The following REV3L variants were observed in gnomAD, a reference collection of about 807,000 sequenced individuals.
REV3L encodes the protein DNA polymerase zeta catalytic subunit.
Under a neutral mutation model 299.4 loss-of-function variants are expected in REV3L, and 69 were observed. That is an observed-to-expected ratio of 0.23 (90% CI 0.19 to 0.28). The LOEUF is 0.28. REV3L is among the 10% of genes least tolerant of loss of function. The pLI, the probability that REV3L is intolerant of heterozygous loss-of-function variation, is 1.00. For missense variants in REV3L, 3,128 were observed against 3,693.8 expected (o/e 0.85, Z 3.97); for synonymous variants, 1,238 against 1,271.4 (o/e 0.97, Z 0.56).
chr6:111,313,173 A>G (rs971890628), intron 28 of REV3L, 179 bp downstream of exon 28: 1 of 515,774 alleles, frequency 1.9e-6, no homozygotes, highest in Non-Finnish European at 3.1e-6. Flanking sequence ...AAACAAACAA[A>G]AACAAAATAA....
chr6:111,379,619 ACT>A (rs1174141820), intron 11 of REV3L, among the ~76,000 whole-genome samples: 5 of 152,094 alleles, frequency 3.3e-5, no homozygotes, highest in African/African-American at 1.2e-4. Context: ...CTTCAGGCTG[ACT>A]CTATACATTG....
In REV3L at chr6:111,365,280, C is replaced by T. The variant is rs1779080679; in HGVS notation, c.6738G>A (p.Leu2246=). ...GSNTDTLRRV[L]LTQAKNQFAA... ...GTATAGTTACCTTTGCTTGTGTTAA[C>T]AGTACTCTTCTAAGAGTGTCAGTAT... is the stretch of plus-strand genomic sequence containing the variant. Residue 2246 remains leucine, a synonymous_variant, in exon 15 of 32, where the codon CTG becomes CTA. Coordinates refer to ENST00000368802, the MANE Select transcript of REV3L (RefSeq NM_001372078.1). 6.5e-7 allele frequency: 1 copy of T among 1,544,374 alleles called. No individual in the cohort carries two copies.
chr6:111,459,266 T>C (rs958138694), intron 1 of REV3L, among the ~76,000 whole-genome samples: 2 of 152,108 alleles, frequency 1.3e-5, no homozygotes, highest in Non-Finnish European at 2.9e-5. Flanking sequence ...CCTATCACCA[T>C]ATACAAAAAT....
At chr6:111,455,951 C>T (rs17510436) in intron 1 of REV3L, among the ~76,000 whole-genome samples, 4,315 of 152,196 alleles carry the variant, frequency 0.028, 74 homozygotes, top group South Asian at 0.077. Context: ...AGCATCATAT[C>T]GAAACCTCGT....
chr6:111,452,052 A>G (rs753404261), intron 1 of REV3L, among the ~76,000 whole-genome samples: 1 of 152,084 alleles, frequency 6.6e-6, no homozygotes, highest in Non-Finnish European at 1.5e-5. Flanking sequence ...TGTAAAAAAG[A>G]TTTGGATACT....
upstream of REV3L, chr6:111,483,507 G>A: frequency 1.9e-6 from 1 of 532,954 alleles, no homozygotes. Context: ...TCATGGATGG[G>A]CTCCGAGGGG....
Position 111,483,166 on chromosome 6 carries a change from A to C in REV3L, c.-278T>G. ...CACTGCCGCCACCGCCGGGAATCAC[A>C]CGGGCTCCTCGGTCCCAGGCTGCAG... On this transcript the variant is annotated 5_prime_UTR_variant, in exon 1 of 32. Transcript: ENST00000368802. The C allele has an allele frequency of 2.1e-6, 1 of 481,140 alleles. No homozygotes were observed. Among genetic ancestry groups the C allele is most frequent in the Non-Finnish European group, 3.6e-6 (1 of 277,852 alleles). The allele number at this position is 481,140 out of a possible 1,614,324, so 29.8% of individuals were successfully genotyped here.
rs201242486 is a variant in REV3L, at chr6:111,372,782, G to C, written c.5573C>G (p.Ser1858Cys). 6.2e-7 allele frequency: 1 copy of C among 1,612,940 alleles called. No homozygotes were observed. The highest frequency in any genetic ancestry group is 1.3e-5 in the African/African-American group (1 of 75,024). The change falls in exon 13 of 32, where the codon TCT becomes TGT. Residue 1858 changes from serine to cysteine, a missense_variant. Around this residue, in one of 9 missense-constraint regions of REV3L, gnomAD observed 2,409 missense variants for 2,611.8 expected, o/e 0.92. Transcript: ENST00000368802. ...LTPTPDSSPR[S>C]TSSPSQSKNG... ...TTTAGATTGTGAAGGAGAGCTAGTA[G>C]ATCTTGGTGAACTATCAGGAGTTGG...
At chr6:111,472,342 A>G (rs975776517) in intron 1 of REV3L, among the ~76,000 whole-genome samples, 1 of 152,088 alleles carries the variant, frequency 6.6e-6, no homozygotes, top group South Asian at 2.1e-4. Context: ...ATTTCTTTTA[A>G]TTCTTGTTAT....
intron 1 of REV3L, among the ~76,000 whole-genome samples, chr6:111,446,990 C>T (rs994723398): frequency 3.3e-5 from 5 of 152,132 alleles, no homozygotes; most frequent in Admixed American, 2.0e-4. Context: ...GACACAAGAA[C>T]TACATACTGA....
intron 21 of REV3L, 26 bp downstream of exon 21, chr6:111,343,899 C>T (rs1463468108): frequency 2.9e-6 from 4 of 1,364,950 alleles, no homozygotes; most frequent in Admixed American, 2.2e-5. Context: ...TTTTATATTA[C>T]CTTCTTCAGA....
At chr6:111,327,831 T>C (rs1401163846) in intron 25 of REV3L, among the ~76,000 whole-genome samples, 1 of 152,206 alleles carries the variant, frequency 6.6e-6, no homozygotes, top group Non-Finnish European at 1.5e-5. Flanking sequence ...ATATTAAGTT[T>C]CCACTATAGA....
At chr6:111,474,162 C>T (rs569012308) in intron 1 of REV3L, among the ~76,000 whole-genome samples, 13 of 152,112 alleles carry the variant, frequency 8.5e-5, no homozygotes, top group Non-Finnish European at 1.8e-4. Flanking sequence ...AATTTCAAAA[C>T]CAAACATTTT....
chr6:111,335,179 T>C (rs1382744883), intron 22 of REV3L, among the ~76,000 whole-genome samples: 2 of 152,168 alleles, frequency 1.3e-5, no homozygotes, highest in Non-Finnish European at 2.9e-5. Context: ...AAAAGAAAGG[T>C]ACTTTCTTTG....
rs775150303 is a variant in REV3L, at chr6:111,482,798, G to A, written c.91C>T (p.Pro31Ser). The change falls in exon 1 of 32, where the codon CCT (proline) becomes TCT (serine). Residue 31 changes from proline to serine, a missense_variant. Coordinates refer to ENST00000368802, the MANE Select transcript of REV3L (RefSeq NM_001372078.1). ...CGCACCACCGGCACCTTCTTGACAG[G>A]GGCCTGGGTGAGGGGGGATTGGCAG... Reference protein sequence around the residue: ...DTCQSPLTQAPVKKVPVVRVF... With the variant: ...DTCQSPLTQASVKKVPVVRVF... The A allele has an allele frequency of 1.7e-5, 26 of 1,497,852 alleles. No homozygotes were observed. The highest frequency in any genetic ancestry group is 2.2e-5 in the Non-Finnish European group (25 of 1,125,682). 92.8% of individuals were successfully genotyped at this position (1,497,852 alleles called of 1,614,324 possible).
chr6:111,344,755 C>G (rs1582611963), intron 20 of REV3L, among the ~76,000 whole-genome samples: 1 of 152,136 alleles, frequency 6.6e-6, no homozygotes, highest in South Asian at 2.1e-4. Context: ...AATTAAGGAA[C>G]CAGTAGTCCC....
intron 3 of REV3L, 30 bp from the exon 4 acceptor site, chr6:111,405,660 A>G (rs1783542083): frequency 7.0e-7 from 1 of 1,435,194 alleles, no homozygotes; most frequent in Non-Finnish European, 9.6e-7. Flanking sequence ...TTTTATCATA[A>G]AATTATGTTC....
intron 30 of REV3L, 150 bp from the exon 31 acceptor site, chr6:111,307,720 G>A: frequency 1.5e-6 from 1 of 667,486 alleles, no homozygotes. Flanking sequence ...GCCAGGCACT[G>A]TTCCAGACAC....
intron 23 of REV3L, among the ~76,000 whole-genome samples, chr6:111,332,433 AAAG>A (rs1775495263): frequency 6.6e-6 from 1 of 152,202 alleles, no homozygotes; most frequent in Non-Finnish European, 1.5e-5. Flanking sequence ...GAATATATTT[AAAG>A]AATAATTTAA....
Sources: gnomAD v4.1 joint callset for allele counts (sites outside exome capture counted in the v4.1 genomes callset) on GRCh38, gnomAD v4.1.1 for gene constraint, gnomAD v4.1.1 regional missense constraint, MANE v1.5 for transcripts, NCBI Gene and HGNC (gene_info 2026-07-23, HGNC 2026-07-21) for gene names.